CCSER1: variants seen among roughly 807,000 people sequenced by gnomAD.
The protein encoded by CCSER1 is coiled-coil serine rich protein 1, also known as serine-rich coiled-coil domain-containing protein 1.
CCSER1 carries 41 observed loss-of-function variants against 82.0 expected under a neutral mutation model. The observed-to-expected ratio is 0.50, with a 90% CI of 0.39 to 0.65. The LOEUF (loss-of-function observed/expected upper bound fraction) is 0.65, where lower values mean the gene tolerates loss of function less well. CCSER1 is among the 30% of genes least tolerant of loss of function. The pLI is 0.00. For missense variants in CCSER1, 1,119 were observed against 1,064.2 expected (o/e 1.05, Z -0.72); for synonymous variants, 414 against 383.9 (o/e 1.08, Z -0.92).
intron 10 of CCSER1, among the ~76,000 whole-genome samples, chr4:91,440,681 G>T (rs1010888731): frequency 2.0e-5 from 3 of 152,108 alleles, no homozygotes; most frequent in Admixed American, 1.3e-4. Context: ...GAATCCAGGA[G>T]CTGTTTTTTT....
chr4:90,682,823 A>T (rs116157131), intron 6 of CCSER1, among the ~76,000 whole-genome samples: 1 of 152,130 alleles, frequency 6.6e-6, no homozygotes, highest in African/African-American at 2.4e-5. Flanking sequence ...ATTAATCACT[A>T]AATAGCTCTA....
intron 8 of CCSER1, among the ~76,000 whole-genome samples, chr4:90,819,921 G>A (rs1759513710): frequency 6.6e-6 from 1 of 152,194 alleles, no homozygotes; most frequent in African/African-American, 2.4e-5. Flanking sequence ...ATGTGCTAGG[G>A]AAACTAATTG....
intron 3 of CCSER1, among the ~76,000 whole-genome samples, chr4:90,348,801 A>G (rs1037878933): frequency 6.6e-6 from 1 of 152,160 alleles, no homozygotes; most frequent in Non-Finnish European, 1.5e-5. Context: ...ACAAACTATT[A>G]TGTGTATCAC....
intron 8 of CCSER1, among the ~76,000 whole-genome samples, chr4:90,899,856 G>A (rs922272829): frequency 1.3e-5 from 2 of 151,828 alleles, no homozygotes; most frequent in Non-Finnish European, 1.5e-5. Flanking sequence ...TGCTAGCATT[G>A]TACTGAGGAT....
intron 7 of CCSER1, among the ~76,000 whole-genome samples, chr4:90,803,452 A>G (rs1166791762): frequency 6.6e-6 from 1 of 152,114 alleles, no homozygotes; most frequent in Non-Finnish European, 1.5e-5. Context: ...ATTAGTGAGA[A>G]CATGTGGTGT....
At chr4:91,504,260 C>T (rs997869378) in intron 10 of CCSER1, among the ~76,000 whole-genome samples, 2 of 152,118 alleles carry the variant, frequency 1.3e-5, no homozygotes, top group African/African-American at 4.8e-5. Flanking sequence ...ATTGTTGTAT[C>T]TAAGTGAAAC....
At chr4:90,691,392 G>A (rs749374006) in intron 6 of CCSER1, among the ~76,000 whole-genome samples, 1 of 150,420 alleles carries the variant, frequency 6.6e-6, no homozygotes, top group Non-Finnish European at 1.5e-5. Context: ...TCATATATAT[G>A]TGTGTATCCC....
intron 1 of CCSER1, among the ~76,000 whole-genome samples, chr4:90,203,133 A>G (rs996476650): frequency 2.6e-5 from 4 of 152,220 alleles, no homozygotes; most frequent in Non-Finnish European, 4.4e-5. Context: ...CACAGATACT[A>G]TCATGATTTG....
At chr4:90,930,956 T>C (rs983799320) in intron 9 of CCSER1, among the ~76,000 whole-genome samples, 7 of 140,572 alleles carry the variant, frequency 5.0e-5, no homozygotes, top group African/African-American at 1.9e-4. Flanking sequence ...GACATATATA[T>C]ACATACATGA....
chr4:90,850,101 A>T (rs1015601832), intron 8 of CCSER1, among the ~76,000 whole-genome samples: 7 of 152,170 alleles, frequency 4.6e-5, no homozygotes, highest in African/African-American at 1.2e-4. Context: ...CCATTGCTTC[A>T]GAGGGTTCAA....
chr4:90,272,774 G>A (rs1726794477), intron 1 of CCSER1, among the ~76,000 whole-genome samples: 2 of 152,110 alleles, frequency 1.3e-5, no homozygotes, highest in Admixed American at 6.6e-5. Flanking sequence ...AGGCCAAGGA[G>A]GGTGGATCAC....
At chr4:90,328,993 C>G (rs981168195) in intron 3 of CCSER1, among the ~76,000 whole-genome samples, 1 of 152,204 alleles carries the variant, frequency 6.6e-6, no homozygotes, top group African/African-American at 2.4e-5. Flanking sequence ...CTTTTCCACA[C>G]TTCTTTGTTT....
At chr4:90,353,313 A>T (rs1202867591) in intron 3 of CCSER1, among the ~76,000 whole-genome samples, 1 of 152,156 alleles carries the variant, frequency 6.6e-6, no homozygotes, top group Non-Finnish European at 1.5e-5. Context: ...TTATGGGACC[A>T]CAGAGAACAC....
chr4:91,019,000 A>G (rs1402075871), intron 9 of CCSER1, among the ~76,000 whole-genome samples: 1 of 152,100 alleles, frequency 6.6e-6, no homozygotes, highest in African/African-American at 2.4e-5. Context: ...CAGATCAAGT[A>G]TACCACCTTC....
chr4:90,753,493 T>G (rs1453769585), intron 7 of CCSER1, among the ~76,000 whole-genome samples: 1 of 152,130 alleles, frequency 6.6e-6, no homozygotes, highest in African/African-American at 2.4e-5. Flanking sequence ...TTTCATACTC[T>G]TTCTCACACC....
intron 9 of CCSER1, among the ~76,000 whole-genome samples, chr4:90,948,881 C>CTT (rs1375073042): frequency 2.8e-4 from 43 of 151,792 alleles, no homozygotes; most frequent in Non-Finnish European, 5.5e-4. Flanking sequence ...GGCTATGAAC[C>CTT]ATATAATACC....
rs577379133 is a variant in CCSER1 at position 91,218,049 on chromosome 4, C to T, written c.2217+132055C>T. Among the ~76,000 whole-genome samples the T allele has an allele frequency of 2.3e-3, 352 of 152,316 alleles. 3 individuals are homozygous for T. The highest frequency in any genetic ancestry group is 7.9e-3 in the African/African-American group (330 of 41,576). ...GTGCTTGTCGGGGAGGCTCCGGCCG[C>T]ACAGGAGCCCATGGAGTGGGTGGGA... is the stretch of plus-strand genomic sequence containing the variant. On this transcript the variant is annotated intron_variant, in intron 10 of 10. Coordinates refer to ENST00000509176, the MANE Select transcript of CCSER1 (RefSeq NM_001145065.2).
chr4:90,713,573 A>G (rs1741047453), intron 6 of CCSER1, among the ~76,000 whole-genome samples: 1 of 150,752 alleles, frequency 6.6e-6, no homozygotes, highest in Admixed American at 6.6e-5. Flanking sequence ...GCTGCCCTTA[A>G]CCTATTTTTT....
At chr4:91,201,438 G>A (rs77841034) in intron 10 of CCSER1, among the ~76,000 whole-genome samples, 8,151 of 152,106 alleles carry the variant, frequency 0.054, 283 homozygotes, top group African/African-American at 0.1. Flanking sequence ...TGAAGGCTGG[G>A]TCACACAACC....
Sources: allele counts gnomAD v4.1 joint callset (sites outside exome capture counted in the v4.1 genomes callset), GRCh38; gene constraint gnomAD v4.1.1; transcripts MANE v1.5; gene names NCBI Gene and HGNC (gene_info 2026-07-23, HGNC 2026-07-21).